XKR7: variants seen among roughly 807,000 people sequenced by gnomAD.
XKR7 encodes XK-related protein 7.
XKR7 carries 11 observed loss-of-function variants against 42.2 expected under a neutral mutation model. The ratio of observed to expected loss-of-function variants is 0.26; its 90% CI spans 0.16 to 0.43. The LOEUF (loss-of-function observed/expected upper bound fraction) is 0.43. XKR7 is among the 20% of genes least tolerant of loss of function. The probability of loss-of-function intolerance (pLI) is 1.00; values close to 1 mark genes in which losing one functional copy is unlikely to be tolerated. For synonymous variants in XKR7, 346 were observed against 366.4 expected, an observed-to-expected ratio of 0.94 and a Z score of 0.64; for missense variants, 710 against 802.2, an observed-to-expected ratio of 0.89 and a Z score of 1.39.
chr20:31,973,959 C>G (rs1277646109), intron 1 of XKR7, among the ~76,000 whole-genome samples: 1 of 152,050 alleles, frequency 6.6e-6, no homozygotes, highest in Non-Finnish European at 1.5e-5. Flanking sequence ...CTTTGGGAGG[C>G]CGAGGCAGGC....
At chr20:31,989,909 G>T (rs2064561912) in intron 1 of XKR7, among the ~76,000 whole-genome samples, 1 of 152,022 alleles carries the variant, frequency 6.6e-6, no homozygotes, top group African/African-American at 2.4e-5. Context: ...CGCCACACCT[G>T]GCCTGGGGAT....
At position 31,968,697 on chromosome 20, in the gene XKR7, C is replaced by T. The variant is rs1354280523; in HGVS notation, c.522C>T (p.Cys174=). 1 of 1,566,632 alleles carries T rather than the reference C, an allele frequency of 6.4e-7. No homozygotes were observed. Among genetic ancestry groups the T allele is most frequent in the Non-Finnish European group, 8.6e-7 (1 of 1,164,132 alleles). The part of the protein sequence containing the change: ...SSASAYRRRC[C]RLCIWLLQTL... ...CCAGCGCCTACCGCCGCCGCTGCTG[C>T]CGCCTCTGCATCTGGCTGCTGCAGA... Residue 174 remains cysteine, a synonymous_variant, in exon 1 of 3, where the codon TGC becomes TGT. Coordinates refer to ENST00000562532, the MANE Select transcript of XKR7 (RefSeq NM_001011718.2). This position sits in a 1 kb window ranked among gnomAD's most constrained non-coding sequence, Gnocchi z 4.5.
rs561138555 is a variant in XKR7, at chr20:32,002,952, C to T, written c.*5495C>T. 1 of 152,322 alleles carries T rather than the reference C, an allele frequency of 6.6e-6. No individual in the cohort carries two copies. The highest frequency in any genetic ancestry group is 1.5e-5 in the Non-Finnish European group (1 of 68,050). 9.4% of individuals were successfully genotyped at this position (152,322 alleles called of 1,614,324 possible). On this transcript the variant is annotated 3_prime_UTR_variant, in exon 3 of 3. Transcript: ENST00000562532. ...GGGAGATGGCCAGCCCAAGGTCACA[C>T]AGCAAGTTGGTGGCAGGGTGAGACC...
In XKR7 at chr20:31,989,258, T is replaced by G. The variant is rs61240808; in HGVS notation, c.585-5810T>G. The stretch of plus-strand genomic sequence containing the variant: ...AGACGTCCTGAGCCAGGGACAAGTC[T>G]GGCTGAGTTTTAGGACACCCCCCCC... On this transcript the variant is annotated intron_variant, in intron 1 of 2. Coordinates refer to ENST00000562532, the MANE Select transcript of XKR7 (RefSeq NM_001011718.2). Among the ~76,000 whole-genome samples, 337 of 133,486 alleles carry G rather than the reference T, an allele frequency of 2.5e-3. 1 individual carries two copies. Among genetic ancestry groups the G allele is most frequent in the African/African-American group, 0.01 (329 of 31,492 alleles). The allele number at this position is 133,486 out of a possible 152,430, so 87.6% of individuals were successfully genotyped here.
At chr20:31,981,562 T>A (rs180974637) in intron 1 of XKR7, among the ~76,000 whole-genome samples, 4 of 152,052 alleles carry the variant, frequency 2.6e-5, no homozygotes, top group Admixed American at 2.0e-4. Flanking sequence ...TGTGGTGGCA[T>A]GTATCTGTAA....
chr20:31,981,306 G>A (rs778659867), intron 1 of XKR7, among the ~76,000 whole-genome samples: 13 of 152,084 alleles, frequency 8.5e-5, no homozygotes, highest in Admixed American at 2.6e-4. Flanking sequence ...AACCCAGAGG[G>A]CAGGGGTTGC....
At chr20:31,969,195 T>C (rs950133948) in intron 1 of XKR7, among the ~76,000 whole-genome samples, 2 of 152,130 alleles carry the variant, frequency 1.3e-5, no homozygotes, top group African/African-American at 4.8e-5. Flanking sequence ...AGATCCTCAG[T>C]TCAGAATTGC....
intron 1 of XKR7, among the ~76,000 whole-genome samples, chr20:31,972,926 C>T (rs1041984968): frequency 1.2e-4 from 19 of 152,172 alleles, no homozygotes; most frequent in Admixed American, 3.9e-4. Context: ...CTTGGCATAA[C>T]GGTTGAGAGG....
At chr20:31,978,671 T>A (rs578193004) in intron 1 of XKR7, among the ~76,000 whole-genome samples, 1 of 152,372 alleles carries the variant, frequency 6.6e-6, no homozygotes, top group African/African-American at 2.4e-5. Context: ...TTTTAAACTC[T>A]TTACTTGTAA....
At chr20:31,989,590 G>GC (rs1309867783) in intron 1 of XKR7, among the ~76,000 whole-genome samples, 2 of 152,162 alleles carry the variant, frequency 1.3e-5, no homozygotes, top group Non-Finnish European at 1.5e-5. Context: ...ACAGGTGGTA[G>GC]CAGAGGAGAC....
chr20:31,996,507 C>T lies in XKR7; in HGVS notation c.790C>T (p.Leu264Phe), dbSNP rs771827805. ...RGGAPDLLPALSTSASLVSLA... is the reference protein window; with the variant it reads ...RGGAPDLLPAFSTSASLVSLA... ...CCGCCCCTGCCCTGTCTCCACAGCC[C>T]TCTCCACCTCCGCCTCCCTCGTGTC... is the stretch of plus-strand genomic sequence containing the variant. The change falls in exon 3 of 3, where the codon CTC (leucine) becomes TTC (phenylalanine). Residue 264 changes from leucine (L) to phenylalanine (F), a missense_variant and splice_region_variant. Physicochemically the swap from Leu to Phe is conservative, Grantham distance 22 (BLOSUM62 0). This residue lies in a region of XKR7 where 708 missense variants were observed against 786.2 expected (regional missense o/e 0.90). Transcript: ENST00000562532. The T allele has an allele frequency of 2.7e-6, 4 of 1,476,736 alleles. No homozygotes were observed. The highest frequency in any genetic ancestry group is 4.7e-5 in the East Asian group (2 of 42,296). The allele number at this position is 1,476,736 out of a possible 1,614,324, so 91.5% of individuals were successfully genotyped here.
intron 1 of XKR7, among the ~76,000 whole-genome samples, chr20:31,975,405 C>G (rs1042049482): frequency 6.6e-6 from 1 of 152,072 alleles, no homozygotes; most frequent in African/African-American, 2.4e-5. Context: ...CCATTGCCTG[C>G]AGTCCTTCCT....
intron 1 of XKR7, among the ~76,000 whole-genome samples, chr20:31,988,648 A>G (rs2064554112): frequency 6.6e-6 from 1 of 152,200 alleles, no homozygotes; most frequent in Admixed American, 6.5e-5. Context: ...AAATGGGGAC[A>G]GCAGAAGTTG....
At chr20:31,972,295 C>T (rs1021974917) in intron 1 of XKR7, among the ~76,000 whole-genome samples, 1 of 152,206 alleles carries the variant, frequency 6.6e-6, no homozygotes, top group African/African-American at 2.4e-5. Flanking sequence ...AAGTCACCCA[C>T]TGAGGAAGTG....
In XKR7 at chr20:31,995,043, C is replaced by T. The variant is rs2064584438; in HGVS notation, c.585-25C>T. 2 of 1,540,292 alleles carry T rather than the reference C, an allele frequency of 1.3e-6. No individual in the cohort carries two copies. Among genetic ancestry groups the T allele is most frequent in the African/African-American group, 1.4e-5 (1 of 72,510 alleles). Reference sequence around the variant, plus strand: ...AGCGAGAGGAACCAGCGCGCGGGAGCCTGAGCACCGCGTCCTTCCCGCAGG... The same window carrying T: ...AGCGAGAGGAACCAGCGCGCGGGAGTCTGAGCACCGCGTCCTTCCCGCAGG... On this transcript the variant is annotated intron_variant, in intron 1 of 2. Coordinates refer to ENST00000562532, the MANE Select transcript of XKR7 (RefSeq NM_001011718.2). The surrounding 1 kb of genome is among the most constrained non-coding windows in gnomAD (Gnocchi z 4.1).
At position 31,994,098 on chromosome 20, in the gene XKR7, C is replaced by A. The variant is rs114522251; in HGVS notation, c.585-970C>A. Among the ~76,000 whole-genome samples, 1,279 of 152,266 alleles carry A rather than the reference C, an allele frequency of 8.4e-3. 17 individuals carry two copies. The highest frequency in any genetic ancestry group is 0.03 in the African/African-American group (1,226 of 41,538). ...TGCCAAGGAAAAGTGTCTGTGAGCA[C>A]CTTCCTTGCACCCTGGGGTGAGAGC... On this transcript the variant is annotated intron_variant, in intron 1 of 2. Coordinates refer to ENST00000562532, the MANE Select transcript of XKR7 (RefSeq NM_001011718.2).
At chr20:31,978,641 G>A (rs73903695) in intron 1 of XKR7, among the ~76,000 whole-genome samples, 9,040 of 152,112 alleles carry the variant, frequency 0.059, 877 homozygotes, top group African/African-American at 0.2. Flanking sequence ...GCATGTGGCC[G>A]GTATGACTGA....
chr20:31,996,499 C>T lies in XKR7; in HGVS notation c.788-6C>T. 1 of 871,550 alleles carries T rather than the reference C, an allele frequency of 1.1e-6. No homozygotes were observed. 54.0% of individuals were successfully genotyped at this position (871,550 alleles called of 1,614,324 possible). A position where few individuals can be genotyped will look rare whatever the true frequency, so the allele number is the denominator to read the frequency against. The stretch of plus-strand genomic sequence containing the variant: ...AGCCCACCCCGCCCCTGCCCTGTCT[C>T]CACAGCCCTCTCCACCTCCGCCTCC... On this transcript the variant is annotated splice_region_variant and splice_polypyrimidine_tract_variant and intron_variant, in intron 2 of 2. Transcript: ENST00000562532.
chr20:31,968,734 C>A lies in XKR7; in HGVS notation c.559C>A (p.Leu187Ile). The change falls in exon 1 of 3, where the codon CTC becomes ATC. Residue 187 changes from leucine to isoleucine, a missense_variant. Physicochemically the swap from Leu to Ile is conservative, Grantham distance 5. This residue lies in a region of XKR7 where 708 missense variants were observed against 786.2 expected (regional missense o/e 0.90). Coordinates refer to ENST00000562532, the MANE Select transcript of XKR7 (RefSeq NM_001011718.2). This position sits in a 1 kb window ranked among gnomAD's most constrained non-coding sequence, Gnocchi z 4.5. ...CTGGCTGCTGCAGACCCTCGTCCAC[C>A]TCCTGCAGCTCGGCCAGGTCTGGAG... ...CIWLLQTLVH[L>I]LQLGQVWRYL... is the part of the protein sequence containing the mutation. 1 of 1,541,922 alleles carries A rather than the reference C, an allele frequency of 6.5e-7. No individual in the cohort carries two copies. The highest frequency in any genetic ancestry group is 8.7e-7 in the Non-Finnish European group (1 of 1,151,956).
Sources: gnomAD v4.1 joint callset for allele counts (sites outside exome capture counted in the v4.1 genomes callset) on GRCh38, gnomAD v4.1.1 for gene constraint, gnomAD v4.1.1 regional missense constraint, Gnocchi (gnomAD v3.1) non-coding constraint, MANE v1.5 for transcripts, NCBI Gene and HGNC (gene_info 2026-07-23, HGNC 2026-07-21) for gene names.